Variants in TMEM181 observed in about 807,000 individuals in gnomAD.
The protein encoded by TMEM181 is transmembrane protein 181.
In TMEM181, 39 loss-of-function variants were observed where a neutral mutation model predicts 71.9. The ratio of observed to expected loss-of-function variants is 0.54; its 90% CI spans 0.42 to 0.71. The LOEUF (loss-of-function observed/expected upper bound fraction) is 0.71, where lower values mean the gene tolerates loss of function less well. Among genes scored for constraint, TMEM181 ranks in the 30% least tolerant of loss-of-function variants. TMEM181 has a pLI of 0.00. For synonymous variants in TMEM181, 245 were observed against 228.8 expected, an observed-to-expected ratio of 1.07 and a Z score of -0.64; for missense variants, 595 against 583.0, an observed-to-expected ratio of 1.02 and a Z score of -0.21.
chr6:158,569,692 C>T (rs1000703668), intron 1 of TMEM181, among the ~76,000 whole-genome samples: 2 of 151,962 alleles, frequency 1.3e-5, no homozygotes, highest in African/African-American at 4.8e-5. Flanking sequence ...CCTCCACCTC[C>T]CGGGTTCAAG....
intron 1 of TMEM181, among the ~76,000 whole-genome samples, chr6:158,541,252 C>T (rs1225981495): frequency 6.6e-6 from 1 of 151,724 alleles, no homozygotes; most frequent in Non-Finnish European, 1.5e-5. Flanking sequence ...TCCATCTCTA[C>T]TAAAAAAAAC....
At chr6:158,584,448 G>GT (rs1327149190) in intron 4 of TMEM181, among the ~76,000 whole-genome samples, 1 of 152,190 alleles carries the variant, frequency 6.6e-6, no homozygotes, top group Non-Finnish European at 1.5e-5. Flanking sequence ...CATCTAGTGG[G>GT]TAGAGGGCAG....
At chr6:158,574,145 A>G (rs564288263) in intron 2 of TMEM181, among the ~76,000 whole-genome samples, 5 of 152,220 alleles carry the variant, frequency 3.3e-5, no homozygotes, top group African/African-American at 1.2e-4. Context: ...CCTCTTAAAT[A>G]AAATATCTTT....
chr6:158,581,638 C>G (rs1466568937), intron 3 of TMEM181, among the ~76,000 whole-genome samples: 1 of 150,878 alleles, frequency 6.6e-6, no homozygotes, highest in East Asian at 2.0e-4. Flanking sequence ...GCCTGTAGTC[C>G]CAGCTACTCG....
chr6:158,572,209 A>G (rs1349877604), intron 1 of TMEM181, among the ~76,000 whole-genome samples: 1 of 152,186 alleles, frequency 6.6e-6, no homozygotes, highest in African/African-American at 2.4e-5. Context: ...CTGCTCTGCA[A>G]CTGCAGTCTC....
rs1785099330 is a variant in TMEM181 at position 158,608,538 on chromosome 6, A to G, written c.804+75A>G. On this transcript the variant is annotated intron_variant, in intron 9 of 16. Transcript: ENST00000684151. ...CCCTCCCGAACTCTGAGGACAGCCC[A>G]GAAAGGTGAATTTATCCATGGAAGC... The G allele has an allele frequency of 3.7e-6, 6 of 1,610,030 alleles. 1 individual carries two copies. The highest frequency in any genetic ancestry group is 3.4e-4 in the Middle Eastern group (2 of 5,874).
intron 1 of TMEM181, among the ~76,000 whole-genome samples, chr6:158,542,001 G>T (rs959955007): frequency 6.7e-6 from 1 of 149,716 alleles, no homozygotes; most frequent in Non-Finnish European, 1.5e-5. Context: ...CACCTCCCGG[G>T]TTCAAGCGAT....
At chr6:158,538,405 T>G (rs1482136020) in intron 1 of TMEM181, among the ~76,000 whole-genome samples, 1 of 151,896 alleles carries the variant, frequency 6.6e-6, no homozygotes, top group Non-Finnish European at 1.5e-5. Flanking sequence ...TGCTCCCACC[T>G]TGGCCTCCCA....
chr6:158,623,515 A>T (rs1786094618), intron 10 of TMEM181, 35 bp from the exon 11 acceptor site: 1 of 1,341,822 alleles, frequency 7.5e-7, no homozygotes. Flanking sequence ...AAAGGTAGTT[A>T]TTAATCTATA....
chr6:158,599,614 C>T (rs902629262), intron 6 of TMEM181, among the ~76,000 whole-genome samples: 7 of 152,214 alleles, frequency 4.6e-5, no homozygotes, highest in African/African-American at 1.7e-4. Flanking sequence ...GAGTTGGGTC[C>T]ACACAGTGGA....
chr6:158,608,487 C>T, intron 9 of TMEM181, 24 bp downstream of exon 9: 1 of 1,614,060 alleles, frequency 6.2e-7, no homozygotes, highest in Non-Finnish European at 8.5e-7. Flanking sequence ...GCCCTCACTG[C>T]CGGGGGAGGT....
chr6:158,626,390 T>G, intron 13 of TMEM181: 1 of 456,572 alleles, frequency 2.2e-6, no homozygotes, highest in East Asian at 6.9e-5. Context: ...AAAATCAGAA[T>G]CCAGAGGAGG....
chr6:158,568,758 A>G (rs1782650487), intron 1 of TMEM181, among the ~76,000 whole-genome samples: 1 of 152,054 alleles, frequency 6.6e-6, no homozygotes, highest in African/African-American at 2.4e-5. Context: ...CCGTGTTCTG[A>G]AGCGACTGGG....
At chr6:158,611,029 T>C (rs1231015149) in intron 10 of TMEM181, 1 of 451,316 alleles carries the variant, frequency 2.2e-6, no homozygotes, top group Non-Finnish European at 4.4e-6. Context: ...TCTTTATGCT[T>C]TCGGATTTCT....
At chr6:158,554,414 T>G (rs1781813652) in intron 1 of TMEM181, among the ~76,000 whole-genome samples, 1 of 151,838 alleles carries the variant, frequency 6.6e-6, no homozygotes, top group African/African-American at 2.4e-5. Flanking sequence ...GAGATGGGAT[T>G]TTGCCATGTT....
At chr6:158,612,887 C>T (rs1297376208) in intron 10 of TMEM181, among the ~76,000 whole-genome samples, 2 of 152,140 alleles carry the variant, frequency 1.3e-5, no homozygotes, top group South Asian at 2.1e-4. Context: ...GCAGTTCCCG[C>T]AAGGGTGGCA....
At chr6:158,615,969 T>C (rs1785588906) in intron 10 of TMEM181, among the ~76,000 whole-genome samples, 3 of 152,236 alleles carry the variant, frequency 2.0e-5, no homozygotes, top group Middle Eastern at 3.4e-3. Context: ...CAATGTGGGC[T>C]CTTTTTTGGC....
At chr6:158,542,126 C>T (rs374541008) in intron 1 of TMEM181, among the ~76,000 whole-genome samples, 95 of 151,966 alleles carry the variant, frequency 6.3e-4, no homozygotes, top group African/African-American at 2.2e-3. Flanking sequence ...AGGCTGGTCT[C>T]GAACCCCTGA....
intron 6 of TMEM181, among the ~76,000 whole-genome samples, chr6:158,595,483 T>G (rs9355668): frequency 6.6e-6 from 1 of 152,010 alleles, no homozygotes; most frequent in Non-Finnish European, 1.5e-5. Flanking sequence ...AAAAGACTTG[T>G]ATTTAGATAT....
Sources: allele counts gnomAD v4.1 joint callset (sites outside exome capture counted in the v4.1 genomes callset), GRCh38; gene constraint gnomAD v4.1.1; transcripts MANE v1.5; gene names NCBI Gene and HGNC (gene_info 2026-07-23, HGNC 2026-07-21).